SMARCB1: variants seen among roughly 807,000 people sequenced by gnomAD.
SMARCB1 encodes SWI/SNF related BAF chromatin remodeling complex subunit B1.
In SMARCB1, 5 loss-of-function variants were observed where a neutral mutation model predicts 49.0. That is an observed-to-expected ratio of 0.10 (90% CI 0.05 to 0.21). The LOEUF is 0.21. SMARCB1 is among the 10% of genes least tolerant of loss of function. The pLI, the probability that SMARCB1 is intolerant of heterozygous loss-of-function variation, is 1.00. For missense variants in SMARCB1, 226 were observed against 509.2 expected (o/e 0.44, Z 5.35); for synonymous variants, 201 against 200.1 (o/e 1.00, Z -0.04).
intron 4 of SMARCB1, 88 bp from the exon 5 acceptor site, chr22:23,803,207 A>T: frequency 6.4e-7 from 1 of 1,566,392 alleles, no homozygotes; most frequent in Non-Finnish European, 8.8e-7. Context: ...GGGTTTGCAG[A>T]AGCCTGCTGT....
chr22:23,804,021 T>C (rs750817564), intron 5 of SMARCB1: 2 of 154,856 alleles, frequency 1.3e-5, no homozygotes, highest in African/African-American at 2.4e-5. Flanking sequence ...CATGCATTTA[T>C]TGTTTTCTCT....
rs780276958 is a variant in SMARCB1 at position 23,837,185 on chromosome 22, C to T, written c.*3005C>T. The T allele has an allele frequency of 1.2e-6, 2 of 1,611,256 alleles. No homozygotes were observed. Among genetic ancestry groups the T allele is most frequent in the Non-Finnish European group, 8.5e-7 (1 of 1,178,804 alleles). ...AGACAGCCACGGACTGTGGGGTCAC[C>T]CTCCACAGCCCAGAGTCCTAGACCA... On this transcript the variant is annotated 3_prime_UTR_variant, in exon 9 of 9. Transcript: ENST00000644036.
chr22:23,834,539 A>ACAGGTCATGTTCAATTTCTTCAACAGGTC lies in SMARCB1; in HGVS notation c.*359_*360insCAGGTCATGTTCAATTTCTTCAACAGGTC. ...CAACAGGTCATGTTCAATTTCTTCAAAGTTTTAACATAAAAATAATGAGAG... is the reference window on the plus strand; with the variant it reads ...CAACAGGTCATGTTCAATTTCTTCAACAGGTCATGTTCAATTTCTTCAACAGGTCAGTTTTAACATAAAAATAATGAGAG... On this transcript the variant is annotated 3_prime_UTR_variant, in exon 9 of 9. Transcript: ENST00000644036. The ACAGGTCATGTTCAATTTCTTCAACAGGTC allele has an allele frequency of 1.5e-6, 1 of 688,594 alleles. No individual in the cohort carries two copies. Among genetic ancestry groups the ACAGGTCATGTTCAATTTCTTCAACAGGTC allele is most frequent in the Middle Eastern group, 2.4e-4 (1 of 4,252 alleles). The allele number at this position is 688,594 out of a possible 1,614,324, so 42.7% of individuals were successfully genotyped here.
intron 2 of SMARCB1, chr22:23,793,312 G>C (rs1302935819): frequency 3.5e-6 from 2 of 579,480 alleles, no homozygotes; most frequent in Non-Finnish European, 6.3e-6. Context: ...TCTGCCCCGA[G>C]CCAGTGCTCC....
intron 7 of SMARCB1, among the ~76,000 whole-genome samples, chr22:23,827,551 A>G: frequency 6.6e-6 from 1 of 152,154 alleles, no homozygotes. Flanking sequence ...TGGGGGCATC[A>G]CAGACCCCCT....
intron 7 of SMARCB1, among the ~76,000 whole-genome samples, chr22:23,832,476 C>A (rs1181926224): frequency 6.6e-6 from 1 of 152,102 alleles, no homozygotes; most frequent in Non-Finnish European, 1.5e-5. Context: ...TGTCCTTCTC[C>A]CAGGGGACTG....
At chr22:23,814,520 C>T (rs981183921) in intron 5 of SMARCB1, among the ~76,000 whole-genome samples, 1 of 151,684 alleles carries the variant, frequency 6.6e-6, no homozygotes, top group Non-Finnish European at 1.5e-5. Flanking sequence ...ACACAATTAG[C>T]TGGGCGTGGT....
At chr22:23,818,186 C>G (rs1247141932) in intron 6 of SMARCB1, 1 of 148,028 alleles carries the variant, frequency 6.8e-6, no homozygotes, top group Non-Finnish European at 1.5e-5. Context: ...CGCAGTCTCA[C>G]TCTGTCGCCC....
chr22:23,816,527 T>G, intron 5 of SMARCB1: 1 of 609,350 alleles, frequency 1.6e-6, no homozygotes, highest in Non-Finnish European at 2.9e-6. Flanking sequence ...GAGGGAAGTG[T>G]TTATGGCCAT....
chr22:23,836,811 G>A lies in SMARCB1; in HGVS notation c.*2631G>A. The A allele has an allele frequency of 2.1e-6, 3 of 1,424,430 alleles. No homozygotes were observed. The highest frequency in any genetic ancestry group is 2.8e-6 in the Non-Finnish European group (3 of 1,088,174). The allele number at this position is 1,424,430 out of a possible 1,614,324, so 88.2% of individuals were successfully genotyped here. A position where few individuals can be genotyped will look rare whatever the true frequency, so the allele number is the denominator to read the frequency against. Reference sequence around the variant, plus strand: ...GATGGGTTTTTTCTGCCCCAAGTAGGGGTCATGGGTAGGATGGAAGCTGCC... The same window carrying A: ...GATGGGTTTTTTCTGCCCCAAGTAGAGGTCATGGGTAGGATGGAAGCTGCC... On this transcript the variant is annotated 3_prime_UTR_variant, in exon 9 of 9. Coordinates refer to ENST00000644036, the MANE Select transcript of SMARCB1 (RefSeq NM_003073.5).
In SMARCB1 at chr22:23,794,227, C is replaced by G. The variant is rs550896676; in HGVS notation, c.362+539C>G. 1.2e-4 allele frequency among the ~76,000 whole-genome samples: 19 copies of G among 152,376 alleles called. No homozygotes were observed. In the East Asian group the frequency reaches 2.1e-3, roughly 17 times the overall value. On this transcript the variant is annotated intron_variant, in intron 3 of 8. Transcript: ENST00000644036. ...AGAGTGCTGGGATTACAGGCGTGAG[C>G]CACCGCGCCCGGTCCTGATTTTTGT...
At chr22:23,831,475 G>A (rs1424106259) in intron 7 of SMARCB1, among the ~76,000 whole-genome samples, 3 of 152,150 alleles carry the variant, frequency 2.0e-5, no homozygotes, top group Non-Finnish European at 4.4e-5. Flanking sequence ...AAGGAATGGG[G>A]AGCAGGGTGG....
chr22:23,793,237 T>C, intron 2 of SMARCB1: 1 of 417,480 alleles, frequency 2.4e-6, no homozygotes, highest in South Asian at 2.1e-5. Context: ...GAATATGTTC[T>C]GGAGTCGAGT....
intron 6 of SMARCB1, among the ~76,000 whole-genome samples, chr22:23,822,034 G>T (rs9612468): frequency 0.12 from 18,827 of 152,182 alleles, 1,252 homozygotes; most frequent in South Asian, 0.27. Flanking sequence ...GACGTCCTTT[G>T]TCTTGATCCT....
intron 6 of SMARCB1, chr22:23,824,043 G>A (rs9608199): frequency 0.12 from 18,834 of 152,288 alleles, 1,257 homozygotes; most frequent in South Asian, 0.27. Context: ...GAAAGGGGCT[G>A]ATGGGAAGGG....
Position 23,836,876 on chromosome 22 carries a change from T to A in SMARCB1, c.*2696T>A. 6.8e-7 allele frequency: 1 copy of A among 1,471,018 alleles called. No homozygotes were observed. Among genetic ancestry groups the A allele is most frequent in the South Asian group, 1.4e-5 (1 of 69,766 alleles). The allele number at this position is 1,471,018 out of a possible 1,614,324, so 91.1% of individuals were successfully genotyped here. A position where few individuals can be genotyped will look rare whatever the true frequency, so the allele number is the denominator to read the frequency against. On this transcript the variant is annotated 3_prime_UTR_variant, in exon 9 of 9. Transcript: ENST00000644036. ...CCTGGCCCTGGGTGGGGGTCACTGC[T>A]GCGGGGGTGGCAGATGGGGTCCTGG... is the stretch of plus-strand genomic sequence containing the variant.
Position 23,837,440 on chromosome 22 carries a change from G to A in SMARCB1, c.*3260G>A, listed in dbSNP as rs1419866743. ...TCCCATCCTCACTCCCATCAGGACC[G>A]TGCAAGCATCAGTAGATCCGTCCTG... On this transcript the variant is annotated 3_prime_UTR_variant, in exon 9 of 9. Coordinates refer to ENST00000644036, the MANE Select transcript of SMARCB1 (RefSeq NM_003073.5). The A allele has an allele frequency of 9.2e-6, 6 of 649,476 alleles. No homozygotes were observed. The East Asian group carries it at 1.1e-4, about 12-fold the overall frequency. 40.2% of individuals were successfully genotyped at this position (649,476 alleles called of 1,614,324 possible). A position where few individuals can be genotyped will look rare whatever the true frequency, so the allele number is the denominator to read the frequency against.
rs1928605159 is a variant in SMARCB1, at chr22:23,794,264, T to G, written c.362+576T>G. Among the ~76,000 whole-genome samples the G allele has an allele frequency of 1.3e-5, 2 of 152,208 alleles. 1 individual carries two copies. Among genetic ancestry groups the G allele is most frequent in the Middle Eastern group, 6.3e-3 (2 of 316 alleles). On this transcript the variant is annotated intron_variant, in intron 3 of 8. Coordinates refer to ENST00000644036, the MANE Select transcript of SMARCB1 (RefSeq NM_003073.5). The stretch of plus-strand genomic sequence containing the variant: ...GTCCTGATTTTTGTATTGAAACACT[T>G]TTTAACAGTTCCCTCTGTTTTTATA...
rs777512879 is a variant in SMARCB1 at position 23,825,335 on chromosome 22, G to A, written c.906G>A (p.Gly302=). The A allele has an allele frequency of 1.2e-6, 2 of 1,614,200 alleles. No individual in the cohort carries two copies. Among genetic ancestry groups the A allele is most frequent in the African/African-American group, 1.3e-5 (1 of 75,066 alleles). The change falls in exon 7 of 9, where the codon GGG becomes GGA. Residue 302 remains glycine, a synonymous_variant. Transcript: ENST00000644036. The part of the protein sequence containing the change: ...KFALKLCSEL[G]LGGEFVTTIA... ...CCCTGAAGCTGTGCTCGGAGCTGGGGTTGGGCGGGGAGTTTGTCACCACCA... is the reference window on the plus strand; with the variant it reads ...CCCTGAAGCTGTGCTCGGAGCTGGGATTGGGCGGGGAGTTTGTCACCACCA...
Sources: allele counts gnomAD v4.1 joint callset (sites outside exome capture counted in the v4.1 genomes callset), GRCh38; gene constraint gnomAD v4.1.1; transcripts MANE v1.5; gene names NCBI Gene and HGNC (gene_info 2026-07-23, HGNC 2026-07-21).